KSR2: variants seen among roughly 807,000 people sequenced by gnomAD.
KSR2 encodes the protein kinase suppressor of ras 2.
KSR2 carries 25 observed loss-of-function variants against 107.8 expected under a neutral mutation model. The observed-to-expected ratio is 0.23, with a 90% CI of 0.17 to 0.32. The LOEUF (loss-of-function observed/expected upper bound fraction) is 0.32. KSR2 is among the 10% of genes least tolerant of loss of function. The pLI, the probability that KSR2 is intolerant of heterozygous loss-of-function variation, is 1.00. For synonymous variants in KSR2, 480 were observed against 507.0 expected (o/e 0.95, Z 0.71); for missense variants, 887 against 1,268.9 (o/e 0.70, Z 4.57).
intron 4 of KSR2, among the ~76,000 whole-genome samples, chr12:117,681,766 C>T (rs1333247139): frequency 2.6e-5 from 4 of 152,110 alleles, no homozygotes; most frequent in African/African-American, 7.2e-5. Context: ...GCCACTTCTC[C>T]CAGCACCATT....
intron 5 of KSR2, among the ~76,000 whole-genome samples, chr12:117,610,582 T>C (rs1593048628): frequency 1.3e-5 from 2 of 151,930 alleles, no homozygotes; most frequent in South Asian, 4.2e-4. Flanking sequence ...ATCTCGTCTC[T>C]ACAAAAATTT....
intron 10 of KSR2, among the ~76,000 whole-genome samples, chr12:117,534,885 G>A (rs988612361): frequency 1.3e-5 from 2 of 152,122 alleles, no homozygotes; most frequent in African/African-American, 2.4e-5. Context: ...GCCCCTAGAT[G>A]CTGGCAAAAG....
rs190803805 is a variant in KSR2, at chr12:117,576,505, T to A, written c.1325+2614A>T. ...GCTCCTGCTTCTCCTTAAAAAAAAA[T>A]TTTTTTTTTTGAGACAGGGTCTTGC... On this transcript the variant is annotated intron_variant, in intron 7 of 19. Coordinates refer to ENST00000339824, the MANE Select transcript of KSR2 (RefSeq NM_173598.6). Among the ~76,000 whole-genome samples the A allele has an allele frequency of 7.6e-3, 1,117 of 146,540 alleles. 5 individuals carry two copies. Among genetic ancestry groups the A allele is most frequent in the Admixed American group, 0.013 (186 of 14,848 alleles).
At chr12:117,731,737 C>A (rs1262599199) in intron 4 of KSR2, among the ~76,000 whole-genome samples, 2 of 151,856 alleles carry the variant, frequency 1.3e-5, no homozygotes, top group Non-Finnish European at 2.9e-5. Flanking sequence ...GACCTTACCC[C>A]CAACCCCGTG....
Position 117,527,492 on chromosome 12 carries a change from A to G in KSR2, c.1803-373T>C, listed in dbSNP as rs563611052. 1.1e-4 allele frequency among the ~76,000 whole-genome samples: 17 copies of G among 152,350 alleles called. No homozygotes were observed. The East Asian group carries it at 2.9e-3, about 26-fold the overall frequency. On this transcript the variant is annotated intron_variant, in intron 12 of 19. Transcript: ENST00000339824. ...ATAAATTGGCCTAAATGCCCTGGGT[A>G]GATAAGTCCTCAGAGCTGTATATGT... is the stretch of plus-strand genomic sequence containing the variant.
At chr12:117,880,882 C>T (rs1240445913) in intron 1 of KSR2, among the ~76,000 whole-genome samples, 1 of 151,958 alleles carries the variant, frequency 6.6e-6, no homozygotes, top group Non-Finnish European at 1.5e-5. Flanking sequence ...GTTGGCCAGG[C>T]TGGTCTCGAA....
chr12:117,586,310 G>T (rs1323040473), intron 5 of KSR2, among the ~76,000 whole-genome samples: 1 of 152,050 alleles, frequency 6.6e-6, no homozygotes, highest in African/African-American at 2.4e-5. Flanking sequence ...AATAGGGCCG[G>T]GTGCGGTGAC....
intron 3 of KSR2, among the ~76,000 whole-genome samples, chr12:117,816,402 C>A (rs1210439450): frequency 1.3e-5 from 2 of 152,230 alleles, no homozygotes; most frequent in East Asian, 3.9e-4. Context: ...ACAAACTATC[C>A]CCTCTGTGTC....
chr12:117,678,178 T>C (rs1390557413), intron 4 of KSR2, among the ~76,000 whole-genome samples: 2 of 150,702 alleles, frequency 1.3e-5, no homozygotes, highest in Non-Finnish European at 2.9e-5. Flanking sequence ...CTTGAACTCC[T>C]GTCCTCAAGT....
chr12:117,752,143 G>A (rs963174970), intron 4 of KSR2, among the ~76,000 whole-genome samples: 1 of 152,326 alleles, frequency 6.6e-6, no homozygotes, highest in South Asian at 2.1e-4. Context: ...GGCCAAGCAC[G>A]AAATATGAAT....
chr12:117,802,935 T>G (rs1351189935), intron 3 of KSR2, among the ~76,000 whole-genome samples: 1 of 152,244 alleles, frequency 6.6e-6, no homozygotes, highest in Non-Finnish European at 1.5e-5. Context: ...CAGGCTTCAT[T>G]ACTGTGCCTC....
At chr12:117,701,712 A>G (rs1230334128) in intron 4 of KSR2, among the ~76,000 whole-genome samples, 3 of 152,182 alleles carry the variant, frequency 2.0e-5, no homozygotes, top group Non-Finnish European at 4.4e-5. Flanking sequence ...TGACATAGAC[A>G]CAAGAGGAGA....
At chr12:117,870,628 A>C (rs1191893218) in intron 1 of KSR2, among the ~76,000 whole-genome samples, 1 of 152,072 alleles carries the variant, frequency 6.6e-6, no homozygotes, top group Non-Finnish European at 1.5e-5. Flanking sequence ...AAAAAAAATT[A>C]TCTGTGCAGT....
chr12:117,597,030 T>A (rs1177051428), intron 5 of KSR2, among the ~76,000 whole-genome samples: 3 of 152,198 alleles, frequency 2.0e-5, no homozygotes, highest in Non-Finnish European at 4.4e-5. Flanking sequence ...CCATGGCCAG[T>A]GCTGCCTTCT....
chr12:117,534,170 G>A (rs763503928), intron 10 of KSR2, among the ~76,000 whole-genome samples: 2 of 152,070 alleles, frequency 1.3e-5, no homozygotes, highest in Non-Finnish European at 2.9e-5. Flanking sequence ...TGCCTACCCT[G>A]AGGCCTCCCA....
At chr12:117,920,552 T>C (rs1895310318) in intron 1 of KSR2, among the ~76,000 whole-genome samples, 3 of 152,182 alleles carry the variant, frequency 2.0e-5, no homozygotes, top group African/African-American at 7.2e-5. Flanking sequence ...ATTTACTATA[T>C]GTCAGGCATT....
At chr12:117,696,629 G>A (rs920726484) in intron 4 of KSR2, among the ~76,000 whole-genome samples, 2 of 152,110 alleles carry the variant, frequency 1.3e-5, no homozygotes, top group Non-Finnish European at 2.9e-5. Flanking sequence ...AATCTTTCTT[G>A]TAAAGGCATT....
At chr12:117,729,898 G>C (rs1887589420) in intron 4 of KSR2, among the ~76,000 whole-genome samples, 1 of 152,186 alleles carries the variant, frequency 6.6e-6, no homozygotes, top group Non-Finnish European at 1.5e-5. Context: ...TGGTAATATA[G>C]AGGCAGCGTA....
intron 9 of KSR2, among the ~76,000 whole-genome samples, chr12:117,554,345 G>A (rs1877512638): frequency 6.6e-6 from 1 of 152,106 alleles, no homozygotes; most frequent in East Asian, 1.9e-4. Context: ...AGAGCTCAGG[G>A]CCCCCAAAGA....
Sources: gnomAD v4.1 joint callset for allele counts (sites outside exome capture counted in the v4.1 genomes callset) on GRCh38, gnomAD v4.1.1 for gene constraint, MANE v1.5 for transcripts, NCBI Gene and HGNC (gene_info 2026-07-23, HGNC 2026-07-21) for gene names.